Variants in CASP5 observed in about 807,000 individuals in gnomAD.
CASP5 encodes the protein caspase-5.
In CASP5, 42 loss-of-function variants were observed where a neutral mutation model predicts 45.2. The ratio of observed to expected loss-of-function variants is 0.93; its 90% CI spans 0.73 to 1.20. The LOEUF (loss-of-function observed/expected upper bound fraction) is 1.20, where lower values mean the gene tolerates loss of function less well. Among genes scored for constraint, CASP5 ranks in the 50% most tolerant of loss-of-function variants. The pLI, the probability that CASP5 is intolerant of heterozygous loss-of-function variation, is 0.00. For synonymous variants in CASP5, 209 were observed against 186.2 expected, an observed-to-expected ratio of 1.12 and a Z score of -1.00; for missense variants, 512 against 532.2, an observed-to-expected ratio of 0.96 and a Z score of 0.37.
At position 104,998,875 on chromosome 11, in the gene CASP5, A is replaced by C; in HGVS notation, c.1096+10T>G. 1 of 1,609,074 alleles carries C rather than the reference A, an allele frequency of 6.2e-7. No homozygotes were observed. Among genetic ancestry groups the C allele is most frequent in the South Asian group, 1.1e-5 (1 of 89,852 alleles). ...CCCCAAATTTTTGACTGTTACTAAA[A>C]GACACATACGTGGTGTTGAAGAACA... is the stretch of plus-strand genomic sequence containing the variant. On this transcript the variant is annotated intron_variant, in intron 7 of 9. Transcript: ENST00000260315.
At chr11:105,021,733 A>G (rs2134776782) in intron 1 of CASP5, among the ~76,000 whole-genome samples, 1 of 148,784 alleles carries the variant, frequency 6.7e-6, no homozygotes, top group East Asian at 1.9e-4. Flanking sequence ...TAGTTCAACC[A>G]TTGTGGAAGT....
intron 2 of CASP5, 88 bp downstream of exon 2, chr11:105,008,719 G>A: frequency 1.1e-6 from 1 of 886,928 alleles, no homozygotes; most frequent in Non-Finnish European, 1.8e-6. Context: ...AAGGAGGATA[G>A]GGGGATCACA....
intron 1 of CASP5, among the ~76,000 whole-genome samples, chr11:105,017,847 A>G (rs1034062039): frequency 1.3e-5 from 2 of 151,522 alleles, no homozygotes; most frequent in Admixed American, 1.3e-4. Context: ...TCCAAGACAC[A>G]TAATTGTCAG....
chr11:105,020,204 T>G (rs1315784617), intron 1 of CASP5, among the ~76,000 whole-genome samples: 1 of 148,230 alleles, frequency 6.7e-6, no homozygotes, highest in African/African-American at 2.5e-5. Context: ...AATATCATAC[T>G]GAATGGGCAA....
chr11:104,999,782 G>C (rs1417248752), intron 6 of CASP5, among the ~76,000 whole-genome samples: 1 of 152,156 alleles, frequency 6.6e-6, no homozygotes, highest in Non-Finnish European at 1.5e-5. Flanking sequence ...AATAAAAAGA[G>C]GGAGAGAGAA....
chr11:105,004,354 T>G (rs2134711228), intron 3 of CASP5, among the ~76,000 whole-genome samples: 1 of 152,310 alleles, frequency 6.6e-6, no homozygotes, highest in East Asian at 1.9e-4. Flanking sequence ...TTCTGAGTAA[T>G]TCTGATCTAT....
chr11:105,009,149 T>C (rs1862150049), intron 1 of CASP5, 169 bp from the exon 2 acceptor site: 2 of 635,206 alleles, frequency 3.1e-6, no homozygotes, highest in South Asian at 2.0e-5. Flanking sequence ...CTCTCACCCA[T>C]CAAATTCCTA....
rs1861759491 is a variant in CASP5, at chr11:105,002,065, C to T, written c.680G>A (p.Gly227Asp). 6.2e-7 allele frequency: 1 copy of T among 1,614,136 alleles called. No individual in the cohort carries two copies. Among genetic ancestry groups the T allele is most frequent in the Non-Finnish European group, 8.5e-7 (1 of 1,180,026 alleles). Residue 227 changes from glycine (G) to aspartate (D), a missense_variant, in exon 5 of 10, where the codon GGC (glycine) becomes GAC (aspartate). Coordinates refer to ENST00000260315, the MANE Select transcript of CASP5 (RefSeq NM_004347.5). ...ATTCTTTTCGTCAACCACAGTGTAG[C>T]CCAGGCCTTGAAGCAGCCTTTTCAT... ...VGMKRLLQGL[G>D]YTVVDEKNLT... is the part of the protein sequence containing the mutation.
intron 1 of CASP5, among the ~76,000 whole-genome samples, chr11:105,021,138 C>T (rs899427516): frequency 2.3e-4 from 35 of 151,954 alleles, no homozygotes; most frequent in Non-Finnish European, 4.3e-4. Context: ...CCCTTCCTTA[C>T]ACCTTATACA....
intron 5 of CASP5, among the ~76,000 whole-genome samples, chr11:105,000,805 C>A (rs974845836): frequency 1.3e-5 from 2 of 152,050 alleles, no homozygotes; most frequent in Non-Finnish European, 2.9e-5. Flanking sequence ...CCTTTCCTAA[C>A]AAGAGTCATG....
At chr11:104,997,579 T>C in intron 7 of CASP5, 87 bp from the exon 8 acceptor site, 1 of 713,014 alleles carries the variant, frequency 1.4e-6, no homozygotes, top group East Asian at 2.7e-5. Flanking sequence ...CTTGAGAATT[T>C]ACTTGATAGA....
chr11:105,001,900 A>G (rs2134702426), intron 5 of CASP5, 128 bp downstream of exon 5: 1 of 680,616 alleles, frequency 1.5e-6, no homozygotes, highest in Non-Finnish European at 2.4e-6. Flanking sequence ...GCGCATGTAC[A>G]CACACACACA....
At chr11:105,016,595 T>C (rs1862613274) in intron 1 of CASP5, among the ~76,000 whole-genome samples, 1 of 151,046 alleles carries the variant, frequency 6.6e-6, no homozygotes, top group Admixed American at 6.6e-5. Flanking sequence ...ACTGCGCTTT[T>C]CCAACCGGCT....
intron 1 of CASP5, 106 bp from the exon 2 acceptor site, chr11:105,009,086 T>A: frequency 1.1e-6 from 1 of 875,730 alleles, no homozygotes; most frequent in Non-Finnish European, 1.8e-6. Flanking sequence ...AAATACATTC[T>A]GTCTTACCAT....
intron 1 of CASP5, among the ~76,000 whole-genome samples, chr11:105,022,335 A>G (rs180837132): frequency 1.3e-3 from 192 of 151,934 alleles, no homozygotes; most frequent in Admixed American, 8.5e-3. Context: ...AAATTAAAGA[A>G]AAAAAAAGAC....
chr11:105,009,368 A>G (rs767960594), intron 1 of CASP5, among the ~76,000 whole-genome samples: 7 of 151,878 alleles, frequency 4.6e-5, no homozygotes, highest in Non-Finnish European at 8.8e-5. Flanking sequence ...TATTCCTACT[A>G]GACTGCAGGA....
intron 2 of CASP5, 42 bp downstream of exon 2, chr11:105,008,765 C>G: frequency 7.0e-7 from 1 of 1,432,178 alleles, no homozygotes; most frequent in Non-Finnish European, 9.8e-7. Flanking sequence ...TGAACAGATT[C>G]TAAAAAATTG....
intron 3 of CASP5, among the ~76,000 whole-genome samples, chr11:105,003,626 A>G (rs1861860331): frequency 6.6e-6 from 1 of 151,982 alleles, no homozygotes; most frequent in South Asian, 2.1e-4. Context: ...TATTCTGGAG[A>G]AAAAATCTTG....
chr11:105,015,372 ACT>A (rs970549987), intron 1 of CASP5, among the ~76,000 whole-genome samples: 2 of 152,180 alleles, frequency 1.3e-5, no homozygotes, highest in Admixed American at 6.5e-5. Context: ...TTTATTGATT[ACT>A]TTTTGTTATT....
Sources: gnomAD v4.1 joint callset for allele counts (sites outside exome capture counted in the v4.1 genomes callset) on GRCh38, gnomAD v4.1.1 for gene constraint, MANE v1.5 for transcripts, NCBI Gene and HGNC (gene_info 2026-07-23, HGNC 2026-07-21) for gene names.